The following SQOR variants were observed in gnomAD, a reference collection of about 807,000 sequenced individuals.
The protein encoded by SQOR is sulfide quinone oxidoreductase, also known as sulfide:quinone oxidoreductase, mitochondrial.
Under a neutral mutation model 48.6 loss-of-function variants are expected in SQOR, and 39 were observed. That is an observed-to-expected ratio of 0.80 (90% CI 0.62 to 1.05). SQOR has a LOEUF of 1.05. Among genes scored for constraint, SQOR ranks in the 50% least tolerant of loss-of-function variants. The probability of loss-of-function intolerance (pLI) is 0.00; values close to 1 mark genes in which losing one functional copy is unlikely to be tolerated. For synonymous variants in SQOR, 220 were observed against 206.2 expected (o/e 1.07, Z -0.57); for missense variants, 561 against 559.9 (o/e 1.00, Z -0.02).
At position 45,689,100 on chromosome 15, in the gene SQOR, T is replaced by C. The variant is rs1393484413; in HGVS notation, c.1178T>C (p.Phe393Ser). The C allele has an allele frequency of 1.5e-5, 24 of 1,614,168 alleles. No individual in the cohort carries two copies. The highest frequency in any genetic ancestry group is 1.8e-5 in the Non-Finnish European group (21 of 1,180,022). Residue 393 changes from phenylalanine (F) to serine (S), a missense_variant, in exon 9 of 10, where the codon TTT (phenylalanine) becomes TCT (serine). Phe to Ser is a radical substitution (Grantham distance 155). Transcript: ENST00000260324. ...TACAACCGTGTGATTCTTGCTGAGT[T>C]TGACTACAAAGCAGAGCCGCTAGAA... The part of the protein sequence containing the change: ...TGYNRVILAE[F>S]DYKAEPLETF...
intron 7 of SQOR, among the ~76,000 whole-genome samples, chr15:45,684,469 A>G (rs1890185465): frequency 6.6e-6 from 1 of 152,080 alleles, no homozygotes; most frequent in East Asian, 1.9e-4. Context: ...TTCAGGTTAT[A>G]TGTTTTGGCA....
intron 6 of SQOR, among the ~76,000 whole-genome samples, chr15:45,681,607 T>C (rs1345377486): frequency 2.0e-5 from 3 of 152,190 alleles, no homozygotes; most frequent in Non-Finnish European, 4.4e-5. Context: ...TTTACCCTAA[T>C]GACATGTCGT....
chr15:45,676,669 C>A (rs1890042222), intron 6 of SQOR, among the ~76,000 whole-genome samples: 1 of 152,164 alleles, frequency 6.6e-6, no homozygotes, highest in African/African-American at 2.4e-5. Context: ...AATGCAAGAT[C>A]TGGTGATTGT....
intron 4 of SQOR, 148 bp from the exon 5 acceptor site, chr15:45,673,459 C>T: frequency 1.2e-6 from 1 of 847,730 alleles, no homozygotes; most frequent in Non-Finnish European, 1.8e-6. Context: ...TCTTAGAACC[C>T]TCACCCACCT....
At chr15:45,650,613 A>G (rs1018068266) in intron 1 of SQOR, among the ~76,000 whole-genome samples, 1 of 152,208 alleles carries the variant, frequency 6.6e-6, no homozygotes, top group Non-Finnish European at 1.5e-5. Flanking sequence ...TTATTCCCTT[A>G]TCTGGCCCCA....
intron 7 of SQOR, among the ~76,000 whole-genome samples, chr15:45,684,749 A>C (rs1409101533): frequency 2.0e-5 from 3 of 152,212 alleles, no homozygotes; most frequent in African/African-American, 7.2e-5. Flanking sequence ...TGTGAGGCCC[A>C]GATTACCCAG....
At chr15:45,650,229 T>TCCAGGTTTCAG (rs1265655684) in intron 1 of SQOR, among the ~76,000 whole-genome samples, 1 of 152,158 alleles carries the variant, frequency 6.6e-6, no homozygotes, top group Non-Finnish European at 1.5e-5. Context: ...CACCTCCACT[T>TCCAGGTTTCAG]CCTGGGCTGA....
At chr15:45,647,642 C>T (rs141351431) in intron 1 of SQOR, among the ~76,000 whole-genome samples, 161 of 150,442 alleles carry the variant, frequency 1.1e-3, no homozygotes, top group African/African-American at 3.6e-3. Context: ...GGGCCAGGCC[C>T]GGTGGCTCAG....
chr15:45,677,079 A>G (rs1485944369), intron 6 of SQOR, among the ~76,000 whole-genome samples: 2 of 152,008 alleles, frequency 1.3e-5, no homozygotes, highest in Non-Finnish European at 2.9e-5. Context: ...AACTTAGAGA[A>G]GTTACAAAAT....
At chr15:45,664,930 A>C (rs938026911) in intron 3 of SQOR, among the ~76,000 whole-genome samples, 3 of 151,994 alleles carry the variant, frequency 2.0e-5, no homozygotes, top group Non-Finnish European at 2.9e-5. Context: ...ACTGAATTAC[A>C]CTCAAGATTG....
chr15:45,690,082 C>T (rs1408537934), intron 9 of SQOR, among the ~76,000 whole-genome samples: 11 of 137,016 alleles, frequency 8.0e-5, no homozygotes, highest in Middle Eastern at 3.8e-3. Context: ...CCTCTTCCTC[C>T]TTTTTTTTTT....
At chr15:45,689,417 CTT>C (rs544575691) in intron 9 of SQOR, 200 bp downstream of exon 9, 6,904 of 252,070 alleles carry the variant, frequency 0.027, no homozygotes, top group Middle Eastern at 0.058. Context: ...TGCTACCTTA[CTT>C]TTTTTTTTTT....
At chr15:45,632,392 T>C (rs564364291), upstream of SQOR, among the ~76,000 whole-genome samples, 25 of 152,112 alleles carry the variant, frequency 1.6e-4, 1 homozygote, top group South Asian at 5.2e-3. Flanking sequence ...GCTAATTTTT[T>C]TGTATTTTTA....
chr15:45,676,312 T>C lies in SQOR; in HGVS notation c.864+2T>C. On this transcript the variant is annotated splice_donor_variant, in intron 6 of 9. Coordinates refer to ENST00000260324, the MANE Select transcript of SQOR (RefSeq NM_021199.4). LOFTEE classifies it high-confidence loss of function. The stretch of plus-strand genomic sequence containing the variant: ...CCAGGAGAGACCCAAGTGATTTCAG[T>C]GAGTGGTGAGGCTAAGCTGTCAGCA... The C allele has an allele frequency of 6.2e-7, 1 of 1,613,724 alleles. No individual in the cohort carries two copies. The highest frequency in any genetic ancestry group is 2.2e-5 in the East Asian group (1 of 44,856).
At chr15:45,639,207 G>A (rs1457995238) in intron 1 of SQOR, among the ~76,000 whole-genome samples, 1 of 152,210 alleles carries the variant, frequency 6.6e-6, no homozygotes, top group Non-Finnish European at 1.5e-5. Context: ...GACACCCTGT[G>A]TGGTCCCTAG....
chr15:45,654,216 T>C (rs66808613), intron 1 of SQOR, among the ~76,000 whole-genome samples: 37,016 of 152,072 alleles, frequency 0.24, 4,832 homozygotes, highest in Admixed American at 0.32. Flanking sequence ...CCACCTTCTC[T>C]ATAGGCAGGG....
intron 1 of SQOR, among the ~76,000 whole-genome samples, chr15:45,654,390 T>G (rs909050482): frequency 6.6e-5 from 10 of 152,232 alleles, no homozygotes; most frequent in African/African-American, 2.4e-4. Context: ...AAGTGAAATT[T>G]GACTGCAAAG....
chr15:45,632,600 C>T (rs1454467840), upstream of SQOR, among the ~76,000 whole-genome samples: 1 of 152,246 alleles, frequency 6.6e-6, no homozygotes, highest in Middle Eastern at 3.4e-3. Flanking sequence ...TCTCCTGTGA[C>T]TCCTTCCCGC....
At chr15:45,643,460 G>T (rs1895141039) in intron 1 of SQOR, among the ~76,000 whole-genome samples, 2 of 152,172 alleles carry the variant, frequency 1.3e-5, no homozygotes, top group Non-Finnish European at 2.9e-5. Flanking sequence ...CTCCCAAAGT[G>T]TTGGGATTAC....
Sources: gnomAD v4.1 joint callset for allele counts (sites outside exome capture counted in the v4.1 genomes callset) on GRCh38, gnomAD v4.1.1 for gene constraint, MANE v1.5 for transcripts, NCBI Gene and HGNC (gene_info 2026-07-23, HGNC 2026-07-21) for gene names.